VAPB: variants seen among roughly 807,000 people sequenced by gnomAD.
The protein encoded by VAPB is vesicle-associated membrane protein-associated protein B/C.
In VAPB, 7 loss-of-function variants were observed where a neutral mutation model predicts 25.6. That is an observed-to-expected ratio of 0.27 (90% CI 0.16 to 0.51). The LOEUF (loss-of-function observed/expected upper bound fraction) is 0.51, where lower values mean the gene tolerates loss of function less well. VAPB is among the 20% of genes least tolerant of loss of function. VAPB has a pLI of 0.97. For synonymous variants in VAPB, 112 were observed against 109.2 expected, an observed-to-expected ratio of 1.03 and a Z score of -0.16; for missense variants, 266 against 301.3, an observed-to-expected ratio of 0.88 and a Z score of 0.87.
At chr20:58,397,171 C>G (rs908240734) in intron 1 of VAPB, among the ~76,000 whole-genome samples, 1 of 152,208 alleles carries the variant, frequency 6.6e-6, no homozygotes, top group Non-Finnish European at 1.5e-5. Flanking sequence ...TTTGATTTCT[C>G]TTGTGAATAT....
At chr20:58,428,091 C>T (rs1988847186) in intron 2 of VAPB, among the ~76,000 whole-genome samples, 1 of 152,192 alleles carries the variant, frequency 6.6e-6, no homozygotes, top group South Asian at 2.1e-4. Context: ...TGCATTTAAT[C>T]AAGTCATCAT....
rs780996026 is a variant in VAPB, at chr20:58,449,943, T to C, written c.*5708T>C. ...AAATAAAACAGGTTCCCTTTTTTTT[T>C]CCCTTTGGAAAATGCCAACTAAGGG... On this transcript the variant is annotated 3_prime_UTR_variant, in exon 6 of 6. Transcript: ENST00000475243. 12 of 454,134 alleles carry C rather than the reference T, an allele frequency of 2.6e-5. No individual in the cohort carries two copies. The highest frequency in any genetic ancestry group is 3.1e-5 in the South Asian group (2 of 64,478). The allele number at this position is 454,134 out of a possible 1,614,324, so 28.1% of individuals were successfully genotyped here. A position where few individuals can be genotyped will look rare whatever the true frequency, so the allele number is the denominator to read the frequency against.
Position 58,450,387 on chromosome 20 carries a change from TA to T in VAPB, c.*6153del, listed in dbSNP as rs1485818355. ...GCTACTATATGAGGTGCTGCGAAATTAGTGGGCGTGGCTTTTTATATTTTTC... is the reference window on the plus strand; with the variant it reads ...GCTACTATATGAGGTGCTGCGAAATTGTGGGCGTGGCTTTTTATATTTTTC... On this transcript the variant is annotated 3_prime_UTR_variant, in exon 6 of 6. Coordinates refer to ENST00000475243, the MANE Select transcript of VAPB (RefSeq NM_004738.5). 2 of 454,066 alleles carry T rather than the reference TA, an allele frequency of 4.4e-6. No homozygotes were observed. Among genetic ancestry groups the T allele is most frequent in the East Asian group, 1.4e-4 (2 of 14,396 alleles). The allele number at this position is 454,066 out of a possible 1,614,324, so 28.1% of individuals were successfully genotyped here.
At chr20:58,438,233 A>T (rs1989089796) in intron 3 of VAPB, among the ~76,000 whole-genome samples, 1 of 152,098 alleles carries the variant, frequency 6.6e-6, no homozygotes, top group Non-Finnish European at 1.5e-5. Context: ...ATGCGCTTAT[A>T]CTTTCTAGAT....
chr20:58,445,880 G>A lies in VAPB; in HGVS notation c.*1645G>A, dbSNP rs1035217454. 96 of 454,022 alleles carry A rather than the reference G, an allele frequency of 2.1e-4. No individual in the cohort carries two copies. Among genetic ancestry groups the A allele is most frequent in the African/African-American group, 1.5e-3 (76 of 50,084 alleles). 28.1% of individuals were successfully genotyped at this position (454,022 alleles called of 1,614,324 possible). On this transcript the variant is annotated 3_prime_UTR_variant, in exon 6 of 6. Transcript: ENST00000475243. ...CATGCCATTGAGACTAGTAACGGGCGTTCTGGGCACAGTCCCACTGTGCAC... is the reference window on the plus strand; with the variant it reads ...CATGCCATTGAGACTAGTAACGGGCATTCTGGGCACAGTCCCACTGTGCAC...
In VAPB at chr20:58,418,264, CGAAAT is replaced by C. The variant is rs745902026; in HGVS notation, c.114_118del (p.Asn39ValfsTer3). ...CCTAAAGCTTGGCAACCCGACAGAC[CGAAAT>C]GTGTGTTTTAAGGTGAAGACTACAG... On this transcript the variant is annotated frameshift_variant, in exon 2 of 6. Coordinates refer to ENST00000475243, the MANE Select transcript of VAPB (RefSeq NM_004738.5). LOFTEE classifies it high-confidence loss of function. The C allele has an allele frequency of 6.2e-7, 1 of 1,614,082 alleles. No homozygotes were observed. Among genetic ancestry groups the C allele is most frequent in the Non-Finnish European group, 8.5e-7 (1 of 1,180,012 alleles).
chr20:58,423,987 G>GT (rs1354662737), intron 2 of VAPB, among the ~76,000 whole-genome samples: 1 of 152,136 alleles, frequency 6.6e-6, no homozygotes, highest in Non-Finnish European at 1.5e-5. Context: ...TAATACTTAG[G>GT]TTTTTAAGGA....
intron 1 of VAPB, among the ~76,000 whole-genome samples, chr20:58,397,124 C>G (rs766288676): frequency 6.6e-6 from 1 of 152,240 alleles, no homozygotes; most frequent in Non-Finnish European, 1.5e-5. Context: ...TCTTGCCCTA[C>G]TTTTGAAAAA....
In VAPB at chr20:58,444,375, A is replaced by G. The variant is rs914268281; in HGVS notation, c.*140A>G. ...TTGCCTTTAAATTACCCCTCCCTGC[A>G]CACACATACACAGATACACACACAC... On this transcript the variant is annotated 3_prime_UTR_variant, in exon 6 of 6. Transcript: ENST00000475243. The G allele has an allele frequency of 9.0e-7, 1 of 1,106,414 alleles. No homozygotes were observed. The highest frequency in any genetic ancestry group is 1.4e-6 in the Non-Finnish European group (1 of 730,272). 68.5% of individuals were successfully genotyped at this position (1,106,414 alleles called of 1,614,324 possible).
intron 1 of VAPB, among the ~76,000 whole-genome samples, chr20:58,389,832 C>G (rs1163990723): frequency 6.6e-6 from 1 of 152,222 alleles, no homozygotes; most frequent in Non-Finnish European, 1.5e-5. Context: ...TGTGAGCCTC[C>G]GCCGCTGCCT....
intron 1 of VAPB, among the ~76,000 whole-genome samples, chr20:58,398,122 C>T (rs1988007793): frequency 6.6e-6 from 1 of 152,214 alleles, no homozygotes; most frequent in Non-Finnish European, 1.5e-5. Context: ...CTTAAACATA[C>T]TCAGAACCCT....
chr20:58,432,795 G>A (rs183358710), intron 2 of VAPB, among the ~76,000 whole-genome samples: 2 of 152,356 alleles, frequency 1.3e-5, no homozygotes, highest in East Asian at 3.9e-4. Flanking sequence ...GAGGTTAAGT[G>A]TCAAGCCCAG....
Position 58,443,996 on chromosome 20 carries a change from A to G in VAPB, c.574-81A>G, listed in dbSNP as rs1989217968. 12 of 1,596,020 alleles carry G rather than the reference A, an allele frequency of 7.5e-6. No individual in the cohort carries two copies. In the South Asian group the frequency reaches 1.3e-4, roughly 18 times the overall value. On this transcript the variant is annotated intron_variant, in intron 5 of 5. Coordinates refer to ENST00000475243, the MANE Select transcript of VAPB (RefSeq NM_004738.5). ...ATGTCATCCAACACTGGGCATAAAC[A>G]GCCCATCCCGTTAAGCTGTACAGTT...
chr20:58,393,893 C>T lies in VAPB; in HGVS notation c.58+4376C>T, dbSNP rs1017755666. Among the ~76,000 whole-genome samples the T allele has an allele frequency of 3.3e-5, 5 of 152,218 alleles. No homozygotes were observed. The South Asian group carries it at 6.2e-4, about 19-fold the overall frequency. On this transcript the variant is annotated intron_variant, in intron 1 of 5. Coordinates refer to ENST00000475243, the MANE Select transcript of VAPB (RefSeq NM_004738.5). ...GATTACAGGCATGCGCCACCATGCC[C>T]GGCTAATTTTGTACTTTCAATAGAG...
At position 58,449,407 on chromosome 20, in the gene VAPB, G is replaced by T. The variant is rs1341994047; in HGVS notation, c.*5172G>T. 10 of 453,446 alleles carry T rather than the reference G, an allele frequency of 2.2e-5. No individual in the cohort carries two copies. The highest frequency in any genetic ancestry group is 4.4e-5 in the Non-Finnish European group (10 of 226,728). The allele number at this position is 453,446 out of a possible 1,614,324, so 28.1% of individuals were successfully genotyped here. ...GTTAAAAGAGAAACGGGTGGAGGTGGATGAGAGGTTGTCTTCATGAATATA... is the reference window on the plus strand; with the variant it reads ...GTTAAAAGAGAAACGGGTGGAGGTGTATGAGAGGTTGTCTTCATGAATATA... On this transcript the variant is annotated 3_prime_UTR_variant, in exon 6 of 6. Coordinates refer to ENST00000475243, the MANE Select transcript of VAPB (RefSeq NM_004738.5).
chr20:58,444,390 TACAC>T lies in VAPB; in HGVS notation c.*163_*166del. 2 of 969,762 alleles carry T rather than the reference TACAC, an allele frequency of 2.1e-6. No homozygotes were observed. Among genetic ancestry groups the T allele is most frequent in the Non-Finnish European group, 3.3e-6 (2 of 611,714 alleles). 60.1% of individuals were successfully genotyped at this position (969,762 alleles called of 1,614,324 possible). On this transcript the variant is annotated 3_prime_UTR_variant, in exon 6 of 6. Transcript: ENST00000475243. ...CCCTCCCTGCACACACATACACAGA[TACAC>T]ACACACAAATATAATGTAACGATCT... is the stretch of plus-strand genomic sequence containing the variant.
intron 2 of VAPB, among the ~76,000 whole-genome samples, chr20:58,431,966 C>T (rs1303384106): frequency 6.6e-6 from 1 of 152,162 alleles, no homozygotes; most frequent in Non-Finnish European, 1.5e-5. Context: ...ACCTATTACA[C>T]AGGAGGCATG....
intron 1 of VAPB, among the ~76,000 whole-genome samples, chr20:58,393,256 C>T (rs969243638): frequency 6.6e-6 from 1 of 152,124 alleles, no homozygotes; most frequent in African/African-American, 2.4e-5. Context: ...GTCTTGAATT[C>T]CTGGCCTCAA....
intron 2 of VAPB, among the ~76,000 whole-genome samples, chr20:58,419,708 T>C (rs1320233386): frequency 5.3e-5 from 8 of 152,188 alleles, no homozygotes; most frequent in Non-Finnish European, 1.0e-4. Flanking sequence ...CATTTCTGTA[T>C]CCTCTGGATA....
Sources: gnomAD v4.1 joint callset for allele counts (sites outside exome capture counted in the v4.1 genomes callset) on GRCh38, gnomAD v4.1.1 for gene constraint, MANE v1.5 for transcripts, NCBI Gene and HGNC (gene_info 2026-07-23, HGNC 2026-07-21) for gene names.